PAX7: variants seen among roughly 807,000 people sequenced by gnomAD.
The protein encoded by PAX7 is paired box protein Pax-7.
PAX7 carries 18 observed loss-of-function variants against 50.7 expected under a neutral mutation model. The ratio of observed to expected loss-of-function variants is 0.36; its 90% CI spans 0.25 to 0.53. The LOEUF (loss-of-function observed/expected upper bound fraction) is 0.53. Among genes scored for constraint, PAX7 ranks in the 20% least tolerant of loss-of-function variants. The pLI is 0.93. For synonymous variants in PAX7, 310 were observed against 290.4 expected (o/e 1.07, Z -0.69); for missense variants, 644 against 702.9 (o/e 0.92, Z 0.95).
chr1:18,709,467 C>T (rs145558939), intron 7 of PAX7, among the ~76,000 whole-genome samples: 79 of 152,324 alleles, frequency 5.2e-4, no homozygotes, highest in African/African-American at 1.9e-3. Flanking sequence ...GGCCAACCAG[C>T]CTTTCTGTCC....
At chr1:18,669,572 T>C (rs2088713683) in intron 4 of PAX7, among the ~76,000 whole-genome samples, 1 of 152,178 alleles carries the variant, frequency 6.6e-6, no homozygotes, top group African/African-American at 2.4e-5. Flanking sequence ...ATCTCTCAGG[T>C]TGCTTCCAGC....
At position 18,735,659 on chromosome 1, in the gene PAX7, G is replaced by A; in HGVS notation, c.1183G>A (p.Ala395Thr). Residue 395 changes from alanine (A) to threonine (T), a missense_variant, in exon 8 of 9, where the codon GCG becomes ACG. Coordinates refer to ENST00000420770, the MANE Select transcript of PAX7 (RefSeq NM_001135254.2). This position sits in a 1 kb window ranked among gnomAD's most constrained non-coding sequence, Gnocchi z 4.0. ...GATGAGCATCTTGGGCAACCCCAGTGCGGTGCCCCCGCAGCCACAGGCTGA... is the reference window on the plus strand; with the variant it reads ...GATGAGCATCTTGGGCAACCCCAGTACGGTGCCCCCGCAGCCACAGGCTGA... ...QVMSILGNPSAVPPQPQADFS... is the reference protein window; with the variant it reads ...QVMSILGNPSTVPPQPQADFS... The A allele has an allele frequency of 6.2e-7, 1 of 1,613,864 alleles. No individual in the cohort carries two copies. Among genetic ancestry groups the A allele is most frequent in the Admixed American group, 1.7e-5 (1 of 60,016 alleles).
chr1:18,653,423 G>A (rs1386627760), intron 4 of PAX7, among the ~76,000 whole-genome samples: 1 of 152,170 alleles, frequency 6.6e-6, no homozygotes, highest in Non-Finnish European at 1.5e-5. Flanking sequence ...GGGGAGTTAG[G>A]AAGTGGCGTT....
rs2088115306 is a variant in PAX7, at chr1:18,634,601, G to A, written c.321+63G>A. The A allele has an allele frequency of 7.0e-7, 1 of 1,420,176 alleles. No homozygotes were observed. The highest frequency in any genetic ancestry group is 9.8e-7 in the Non-Finnish European group (1 of 1,016,516). 88.0% of individuals were successfully genotyped at this position (1,420,176 alleles called of 1,614,324 possible). A position where few individuals can be genotyped will look rare whatever the true frequency, so the allele number is the denominator to read the frequency against. On this transcript the variant is annotated intron_variant, in intron 2 of 8. Transcript: ENST00000420770. This position sits in a 1 kb window ranked among gnomAD's most constrained non-coding sequence, Gnocchi z 4.0. ...CTATAGTCGGGGGCTCCTGGTTGTG[G>A]CCCCTCTTACTACCTCGTGGCACCA...
chr1:18,728,244 C>A (rs2089598580), intron 7 of PAX7, among the ~76,000 whole-genome samples: 1 of 152,078 alleles, frequency 6.6e-6, no homozygotes. Flanking sequence ...TCTTTGTGTG[C>A]ACATCGGGGA....
At chr1:18,635,042 G>A in intron 2 of PAX7, 69 bp from the exon 3 acceptor site, 1 of 1,572,374 alleles carries the variant, frequency 6.4e-7, no homozygotes, top group South Asian at 1.2e-5. Flanking sequence ...CTTAAGAGGT[G>A]ATATTAAAAG....
intron 8 of PAX7, among the ~76,000 whole-genome samples, chr1:18,739,827 G>T (rs569250719): frequency 6.6e-6 from 1 of 152,214 alleles, no homozygotes. Flanking sequence ...GGGGGCAGGG[G>T]CCCAGGGATG....
At chr1:18,646,176 G>T (rs1209289908) in intron 4 of PAX7, among the ~76,000 whole-genome samples, 1 of 152,218 alleles carries the variant, frequency 6.6e-6, no homozygotes, top group Non-Finnish European at 1.5e-5. Flanking sequence ...GCATGTCCGG[G>T]ATTTGTCGGA....
intron 5 of PAX7, among the ~76,000 whole-genome samples, chr1:18,696,840 A>T (rs1299387336): frequency 2.0e-5 from 3 of 152,196 alleles, no homozygotes; most frequent in Non-Finnish European, 4.4e-5. Context: ...GTATTTGATA[A>T]CACAATAGGG....
intron 4 of PAX7, among the ~76,000 whole-genome samples, chr1:18,684,764 G>GGGGCCTAT (rs1448037377): frequency 5.9e-5 from 9 of 152,296 alleles, no homozygotes; most frequent in African/African-American, 1.7e-4. Flanking sequence ...GCTCAACACC[G>GGGGCCTAT]GGGCCTATGT....
intron 4 of PAX7, among the ~76,000 whole-genome samples, chr1:18,664,299 C>T (rs4920338): frequency 0.5 from 75,654 of 152,138 alleles, 20,506 homozygotes; most frequent in African/African-American, 0.72. Context: ...GCCTCTGAGG[C>T]GGTAGTGACC....
At chr1:18,659,712 T>C (rs1412824867) in intron 4 of PAX7, among the ~76,000 whole-genome samples, 2 of 152,184 alleles carry the variant, frequency 1.3e-5, no homozygotes, top group Non-Finnish European at 2.9e-5. Flanking sequence ...AGCAGGCAAC[T>C]GTCCCATTTG....
intron 7 of PAX7, among the ~76,000 whole-genome samples, chr1:18,725,356 C>T (rs1314640856): frequency 6.6e-6 from 1 of 151,064 alleles, no homozygotes; most frequent in South Asian, 2.1e-4. Flanking sequence ...AGAGCCCAGA[C>T]GTCCTCCTTT....
Position 18,700,858 on chromosome 1 carries a change from C to G in PAX7, c.952+40C>G, listed in dbSNP as rs2089210442. Reference sequence around the variant, plus strand: ...CCCGTCCTGCCATCTCAGTGGTGCCCCTTCCCTTCTTTCTTTACTTTCACT... The same window carrying G: ...CCCGTCCTGCCATCTCAGTGGTGCCGCTTCCCTTCTTTCTTTACTTTCACT... On this transcript the variant is annotated intron_variant, in intron 6 of 8. Transcript: ENST00000420770. This position sits in a 1 kb window ranked among gnomAD's most constrained non-coding sequence, Gnocchi z 4.8. The G allele has an allele frequency of 7.4e-7, 1 of 1,350,570 alleles. No homozygotes were observed. The highest frequency in any genetic ancestry group is 9.6e-7 in the Non-Finnish European group (1 of 1,039,154). 83.7% of individuals were successfully genotyped at this position (1,350,570 alleles called of 1,614,324 possible). A position where few individuals can be genotyped will look rare whatever the true frequency, so the allele number is the denominator to read the frequency against.
At chr1:18,699,654 G>C (rs1318625666) in intron 5 of PAX7, among the ~76,000 whole-genome samples, 3 of 151,234 alleles carry the variant, frequency 2.0e-5, no homozygotes, top group East Asian at 3.9e-4. Context: ...TCTGCCTCCC[G>C]GGTTCACGCC....
chr1:18,738,066 G>A (rs1000317631), intron 8 of PAX7, among the ~76,000 whole-genome samples: 3 of 152,154 alleles, frequency 2.0e-5, no homozygotes, highest in African/African-American at 7.2e-5. Context: ...GTTTGAGTAT[G>A]TCATAGGTGT....
In PAX7 at chr1:18,636,578, C is replaced by G. The variant is rs1385435102; in HGVS notation, c.586+207C>G. Among the ~76,000 whole-genome samples the G allele has an allele frequency of 6.6e-6, 1 of 152,236 alleles. No homozygotes were observed. The highest frequency in any genetic ancestry group is 1.5e-5 in the Non-Finnish European group (1 of 68,048). ...CCGGATGCCGGCTAGATGCGAAGCC[C>G]GCGCCTTCTTTGCGCTATGGAGGCC... On this transcript the variant is annotated intron_variant, in intron 4 of 8. Transcript: ENST00000420770. This position sits in a 1 kb window ranked among gnomAD's most constrained non-coding sequence, Gnocchi z 5.1.
At chr1:18,739,846 G>T (rs1931027904) in intron 8 of PAX7, among the ~76,000 whole-genome samples, 1 of 152,202 alleles carries the variant, frequency 6.6e-6, no homozygotes, top group Non-Finnish European at 1.5e-5. Context: ...TGGGGCACAT[G>T]GCAGATTAAT....
intron 4 of PAX7, among the ~76,000 whole-genome samples, chr1:18,639,536 C>T (rs1263871488): frequency 6.6e-6 from 1 of 152,142 alleles, no homozygotes; most frequent in Admixed American, 6.5e-5. Context: ...TCCTTGCCCC[C>T]ATGCACTTAG....
Sources: allele counts gnomAD v4.1 joint callset (sites outside exome capture counted in the v4.1 genomes callset), GRCh38; gene constraint gnomAD v4.1.1; non-coding constraint Gnocchi (gnomAD v3.1); transcripts MANE v1.5; gene names NCBI Gene and HGNC (gene_info 2026-07-23, HGNC 2026-07-21).